RECK: variants seen among roughly 807,000 people sequenced by gnomAD.
RECK encodes the protein reversion-inducing cysteine-rich protein with Kazal motifs.
RECK carries 69 observed loss-of-function variants against 115.1 expected under a neutral mutation model. The ratio of observed to expected loss-of-function variants is 0.60; its 90% CI spans 0.49 to 0.73. The LOEUF is 0.73. Among genes scored for constraint, RECK ranks in the 30% least tolerant of loss-of-function variants. The pLI, the probability that RECK is intolerant of heterozygous loss-of-function variation, is 0.00. For synonymous variants in RECK, 414 were observed against 419.7 expected, an observed-to-expected ratio of 0.99 and a Z score of 0.17; for missense variants, 1,047 against 1,203.7, an observed-to-expected ratio of 0.87 and a Z score of 1.93.
intron 15 of RECK, among the ~76,000 whole-genome samples, chr9:36,110,481 T>C (rs571428780): frequency 2.0e-5 from 3 of 152,338 alleles, no homozygotes; most frequent in African/African-American, 7.2e-5. Context: ...TACTTCTTCA[T>C]CTAGACTCCC....
intron 8 of RECK, among the ~76,000 whole-genome samples, chr9:36,085,000 AATT>A (rs1254502248): frequency 1.3e-5 from 2 of 152,114 alleles, no homozygotes; most frequent in Non-Finnish European, 2.9e-5. Flanking sequence ...GGCTGCAGTG[AATT>A]ATTATTGTGC....
rs1195866990 is a variant in RECK at position 36,073,225 on chromosome 9, CACACAGACACACACAG to C, written c.406-7374_406-7359del. Reference sequence around the variant, plus strand: ...ACCCCTAAACAGCAACACACAGACACACACAGACACACACAGACACACACACACACACACACACACA... The same window carrying C: ...ACCCCTAAACAGCAACACACAGACACACACACACACACACACACACACACA... On this transcript the variant is annotated intron_variant, in intron 6 of 20. Coordinates refer to ENST00000377966, the MANE Select transcript of RECK (RefSeq NM_021111.3). Among the ~76,000 whole-genome samples, 82 of 104,762 alleles carry C rather than the reference CACACAGACACACACAG, an allele frequency of 7.8e-4. 1 individual carries two copies. The South Asian group carries it at 0.021, about 27-fold the overall frequency. The allele number at this position is 104,762 out of a possible 152,430, so 68.7% of individuals were successfully genotyped here.
chr9:36,121,708 T>G lies in RECK; in HGVS notation c.2694+20T>G. 6.2e-7 allele frequency: 1 copy of G among 1,610,162 alleles called. No homozygotes were observed. The highest frequency in any genetic ancestry group is 8.5e-7 in the Non-Finnish European group (1 of 1,177,454). ...CTGCAGGTGAGTTCAGCACATGTTG[T>G]GAAGCCATCTTGTCACTTTCAAGTT... On this transcript the variant is annotated intron_variant, in intron 20 of 20. Transcript: ENST00000377966.
intron 4 of RECK, among the ~76,000 whole-genome samples, chr9:36,062,450 C>A (rs1485991033): frequency 2.7e-5 from 4 of 149,000 alleles, no homozygotes; most frequent in Non-Finnish European, 6.0e-5. Flanking sequence ...TGTAAGCCAC[C>A]ACACCCAGTC....
At chr9:36,083,249 TG>T in intron 7 of RECK, 115 bp from the exon 8 acceptor site, 1 of 1,074,712 alleles carries the variant, frequency 9.3e-7, no homozygotes, top group Non-Finnish European at 1.4e-6. Context: ...TCATCGTCTG[TG>T]GCATGGTTTT....
chr9:36,082,152 TTCTC>T (rs71508008), intron 7 of RECK, among the ~76,000 whole-genome samples: 1,995 of 113,678 alleles, frequency 0.018, 53 homozygotes, highest in African/African-American at 0.052. Context: ...CCTCCCTGCT[TTCTC>T]TCTCTCTCTC....
At chr9:36,037,307 G>A (rs182679953) in intron 1 of RECK, among the ~76,000 whole-genome samples, 1 of 151,814 alleles carries the variant, frequency 6.6e-6, no homozygotes, top group African/African-American at 2.4e-5. Context: ...TCTTCTGGGC[G>A]GTGACTCGGG....
At chr9:36,075,423 C>T (rs1272055234) in intron 6 of RECK, among the ~76,000 whole-genome samples, 5 of 152,090 alleles carry the variant, frequency 3.3e-5, no homozygotes, top group African/African-American at 1.2e-4. Context: ...TTTGAGTGTT[C>T]ATTTTTATTT....
intron 6 of RECK, among the ~76,000 whole-genome samples, chr9:36,074,930 C>T (rs979617909): frequency 4.6e-5 from 7 of 152,252 alleles, no homozygotes; most frequent in African/African-American, 7.2e-5. Flanking sequence ...CTGATTCCAG[C>T]TGGGCACACT....
At chr9:36,086,359 G>A (rs1311976368) in intron 8 of RECK, among the ~76,000 whole-genome samples, 1 of 152,084 alleles carries the variant, frequency 6.6e-6, no homozygotes, top group Non-Finnish European at 1.5e-5. Flanking sequence ...ACAGACCTTC[G>A]CGTGAGTGTT....
rs1166819911 is a variant in RECK at position 36,102,176 on chromosome 9, C to T, written c.1381C>T (p.Leu461Phe). The change falls in exon 12 of 21, where the codon CTT becomes TTT. Residue 461 changes from leucine to phenylalanine, a missense_variant. Transcript: ENST00000377966. The part of the protein sequence containing the change: ...EDHTAESICE[L>F]LSPTDDLKNC... Reference sequence around the variant, plus strand: ...CCACACAGCTGAAAGTATTTGTGAGCTTCTGTCACCTACAGATGATCTGAA... The same window carrying T: ...CCACACAGCTGAAAGTATTTGTGAGTTTCTGTCACCTACAGATGATCTGAA... 1 of 1,613,362 alleles carries T rather than the reference C, an allele frequency of 6.2e-7. No individual in the cohort carries two copies. The highest frequency in any genetic ancestry group is 8.5e-7 in the Non-Finnish European group (1 of 1,179,496).
intron 5 of RECK, among the ~76,000 whole-genome samples, chr9:36,065,228 TAAAA>T (rs561725701): frequency 2.0e-5 from 1 of 50,542 alleles, no homozygotes; most frequent in Admixed American, 2.7e-4. Flanking sequence ...GGAATTCAGC[TAAAA>T]AAAAAAAAAA....
intron 10 of RECK, among the ~76,000 whole-genome samples, chr9:36,092,612 G>A (rs1489023992): frequency 7.0e-6 from 1 of 142,584 alleles, no homozygotes; most frequent in Non-Finnish European, 1.5e-5. Flanking sequence ...GGCTGGTTTC[G>A]AACCCCTGAT....
intron 2 of RECK, among the ~76,000 whole-genome samples, chr9:36,058,537 G>A (rs1455794370): frequency 7.0e-6 from 1 of 143,716 alleles, no homozygotes; most frequent in Non-Finnish European, 1.5e-5. Context: ...AGCACTGGGA[G>A]ATATACCTAA....
intron 8 of RECK, chr9:36,085,227 T>C: frequency 4.3e-6 from 1 of 230,246 alleles, no homozygotes; most frequent in Non-Finnish European, 9.5e-6. Flanking sequence ...TAAAAAGTCA[T>C]AACAATGAGA....
intron 17 of RECK, among the ~76,000 whole-genome samples, chr9:36,117,974 C>A (rs1824324430): frequency 6.6e-6 from 1 of 152,002 alleles, no homozygotes; most frequent in Non-Finnish European, 1.5e-5. Context: ...AGCAAGACTC[C>A]ATCTAAAAAA....
chr9:36,049,801 T>C (rs1222442615), intron 1 of RECK, among the ~76,000 whole-genome samples: 4 of 152,258 alleles, frequency 2.6e-5, no homozygotes, highest in Non-Finnish European at 4.4e-5. Context: ...TTTCTTGAAT[T>C]GTCTCTTGAA....
intron 10 of RECK, among the ~76,000 whole-genome samples, chr9:36,093,363 C>T (rs1475353707): frequency 6.6e-6 from 1 of 151,836 alleles, no homozygotes; most frequent in African/African-American, 2.4e-5. Flanking sequence ...ACAATCATAC[C>T]CATTGGTGAC....
intron 1 of RECK, among the ~76,000 whole-genome samples, chr9:36,043,535 G>C (rs1820965631): frequency 6.6e-6 from 1 of 151,920 alleles, no homozygotes; most frequent in South Asian, 2.1e-4. Context: ...TAAGTCCCAT[G>C]TATTTATCTT....
Sources: gnomAD v4.1 joint callset for allele counts (sites outside exome capture counted in the v4.1 genomes callset) on GRCh38, gnomAD v4.1.1 for gene constraint, MANE v1.5 for transcripts, NCBI Gene and HGNC (gene_info 2026-07-23, HGNC 2026-07-21) for gene names.